Variants in SOX13 observed in about 807,000 individuals in gnomAD.
SOX13 encodes SRY-box transcription factor 13, also known as transcription factor SOX-13.
In SOX13, 28 loss-of-function variants were observed where a neutral mutation model predicts 71.8. That is an observed-to-expected ratio of 0.39 (90% CI 0.29 to 0.53). The LOEUF is 0.53. Ranked by LOEUF, SOX13 falls within the 20% of genes least tolerant of loss-of-function variation. The probability of loss-of-function intolerance (pLI) is 0.70; values close to 1 mark genes in which losing one functional copy is unlikely to be tolerated. For missense variants in SOX13, 627 were observed against 810.3 expected (o/e 0.77, Z 2.75); for synonymous variants, 309 against 317.8 (o/e 0.97, Z 0.29).
chr1:204,123,915 A>G lies in SOX13; in HGVS notation c.1375+111A>G. 2 of 1,272,376 alleles carry G rather than the reference A, an allele frequency of 1.6e-6. No homozygotes were observed. Among genetic ancestry groups the G allele is most frequent in the African/African-American group, 1.5e-5 (1 of 67,846 alleles). The allele number at this position is 1,272,376 out of a possible 1,614,324, so 78.8% of individuals were successfully genotyped here. ...TCCATACTGTGTTGGACTCCAGTGG[A>G]ATCTGACGACAGGGGTGCAGGAGTT... is the stretch of plus-strand genomic sequence containing the variant. On this transcript the variant is annotated intron_variant, in intron 12 of 13. Transcript: ENST00000367204. This position sits in a 1 kb window ranked among gnomAD's most constrained non-coding sequence, Gnocchi z 5.0.
chr1:204,085,248 T>G (rs1295098757), intron 1 of SOX13, among the ~76,000 whole-genome samples: 1 of 152,206 alleles, frequency 6.6e-6, no homozygotes, highest in Non-Finnish European at 1.5e-5. Context: ...CCAGACTGTC[T>G]GTGTGATCTT....
intron 1 of SOX13, among the ~76,000 whole-genome samples, chr1:204,098,954 C>T (rs28414754): frequency 1.3e-5 from 2 of 152,082 alleles, no homozygotes; most frequent in African/African-American, 2.4e-5. Context: ...GCCTGTGAAA[C>T]CAGGGGTTTT....
At chr1:204,096,857 T>A (rs1656263287) in intron 1 of SOX13, among the ~76,000 whole-genome samples, 1 of 117,842 alleles carries the variant, frequency 8.5e-6, no homozygotes, top group Admixed American at 8.0e-5. Context: ...CTCCTCTTTC[T>A]TCTCTTTTTC....
intron 1 of SOX13, among the ~76,000 whole-genome samples, chr1:204,101,611 C>T (rs1427999097): frequency 6.6e-6 from 1 of 151,870 alleles, no homozygotes; most frequent in Non-Finnish European, 1.5e-5. Context: ...TCAGCCACCA[C>T]AATACTAAGT....
chr1:204,088,852 T>C (rs913533113), intron 1 of SOX13, among the ~76,000 whole-genome samples: 1 of 152,082 alleles, frequency 6.6e-6, no homozygotes, highest in Non-Finnish European at 1.5e-5. Context: ...AAGTGAAAGC[T>C]CAATTAGAGT....
chr1:204,113,167 C>G, intron 2 of SOX13, 33 bp downstream of exon 2: 2 of 1,473,114 alleles, frequency 1.4e-6, no homozygotes, highest in Non-Finnish European at 1.8e-6. Flanking sequence ...CATCCTCACA[C>G]CCATGCGCTG....
intron 1 of SOX13, among the ~76,000 whole-genome samples, chr1:204,078,759 C>T (rs11240658): frequency 0.062 from 9,397 of 152,262 alleles, 961 homozygotes; most frequent in African/African-American, 0.21. Flanking sequence ...TCGGTGACTA[C>T]CCCCCTTTTG....
At chr1:204,076,550 C>T (rs1411998013) in intron 1 of SOX13, among the ~76,000 whole-genome samples, 1 of 152,164 alleles carries the variant, frequency 6.6e-6, no homozygotes, top group Non-Finnish European at 1.5e-5. Flanking sequence ...TTGGGTTTGT[C>T]ACAAGTTCCT....
At position 204,082,079 on chromosome 1, in the gene SOX13, T is replaced by G. The variant is rs866906732; in HGVS notation, c.-2+8368T>G. Among the ~76,000 whole-genome samples the G allele has an allele frequency of 9.7e-4, 108 of 111,690 alleles. No individual in the cohort carries two copies. In the Middle Eastern group the frequency reaches 0.014, roughly 14 times the overall value. The allele number at this position is 111,690 out of a possible 152,430, so 73.3% of individuals were successfully genotyped here. Reference sequence around the variant, plus strand: ...TTCTTGGCTGGTGGTGGGGTGTGTGTGGGGGGGAGGGAAGCTGAGTGTGAT... The same window carrying G: ...TTCTTGGCTGGTGGTGGGGTGTGTGGGGGGGGGAGGGAAGCTGAGTGTGAT... On this transcript the variant is annotated intron_variant, in intron 1 of 13. Coordinates refer to ENST00000367204, the MANE Select transcript of SOX13 (RefSeq NM_005686.3).
Position 204,122,928 on chromosome 1 carries a change from G to A in SOX13, c.1099G>A (p.Ala367Thr), listed in dbSNP as rs1656839692. 1 of 1,590,040 alleles carries A rather than the reference G, an allele frequency of 6.3e-7. No individual in the cohort carries two copies. Among genetic ancestry groups the A allele is most frequent in the Non-Finnish European group, 8.6e-7 (1 of 1,167,332 alleles). ...GCAGCTGCTGCACAGCCACAGTGGG[G>A]CCTTGGATGGCTCCCCCAACACCCC... The part of the protein sequence containing the change: ...ARQLLHSHSG[A>T]LDGSPNTPFR... The change falls in exon 10 of 14, where the codon GCC (alanine) becomes ACC (threonine). Residue 367 changes from alanine (A) to threonine (T), a missense_variant. Coordinates refer to ENST00000367204, the MANE Select transcript of SOX13 (RefSeq NM_005686.3).
At chr1:204,114,670 G>GCCTACAGCCTGGCTA in intron 4 of SOX13, 65 bp downstream of exon 4, 1 of 1,266,558 alleles carries the variant, frequency 7.9e-7, no homozygotes, top group Non-Finnish European at 1.2e-6. Context: ...GTCTGGCCAC[G>GCCTACAGCCTGGCTA]CAGCCTGGCT....
intron 4 of SOX13, 70 bp downstream of exon 4, chr1:204,114,675 C>A: frequency 8.1e-7 from 1 of 1,241,494 alleles, no homozygotes; most frequent in Non-Finnish European, 1.2e-6. Context: ...GCCACGCAGC[C>A]TGGCTCTGTA....
chr1:204,108,618 T>C (rs536039101), intron 1 of SOX13, among the ~76,000 whole-genome samples: 1 of 152,322 alleles, frequency 6.6e-6, no homozygotes, highest in Non-Finnish European at 1.5e-5. Context: ...TGGGACAGAA[T>C]GAAGGAGAGA....
chr1:204,095,926 G>C (rs1297421068), intron 1 of SOX13, among the ~76,000 whole-genome samples: 10 of 152,100 alleles, frequency 6.6e-5, no homozygotes, highest in Admixed American at 6.6e-4. Flanking sequence ...TACAATATTT[G>C]ACCTTTTATG....
At chr1:204,110,879 C>T (rs1484828401) in intron 1 of SOX13, among the ~76,000 whole-genome samples, 3 of 151,326 alleles carry the variant, frequency 2.0e-5, no homozygotes, top group Non-Finnish European at 4.4e-5. Context: ...TTACATACTT[C>T]CCCTAAACAT....
rs1388246521 is a variant in SOX13, at chr1:204,113,113, G to T, written c.198G>T (p.Gln66His). 1.7e-5 allele frequency: 26 copies of T among 1,566,644 alleles called. No individual in the cohort carries two copies. The highest frequency in any genetic ancestry group is 2.2e-5 in the Non-Finnish European group (26 of 1,156,420). Residue 66 changes from glutamine (Q) to histidine (H), a missense_variant, in exon 2 of 14, where the codon CAG becomes CAT. Gln to His is a conservative substitution (Grantham distance 24). Coordinates refer to ENST00000367204, the MANE Select transcript of SOX13 (RefSeq NM_005686.3). ...GTGCTGACCCCCAAGCTCCAGCCCA[G>T]GGGAATTTCAGGGGCTCCTGGGTCA... ...QDSADPQAPA[Q>H]GNFRGSWDCS...
rs1655911845 is a variant in SOX13 at position 204,081,768 on chromosome 1, C to G, written c.-2+8057C>G. The stretch of plus-strand genomic sequence containing the variant: ...GGGTATGAGGTCCCCCACCCTCATG[C>G]GAACAACCTCTCCCCACCCTCCAGC... On this transcript the variant is annotated intron_variant, in intron 1 of 13. Transcript: ENST00000367204. The surrounding 1 kb of genome is among the most constrained non-coding windows in gnomAD (Gnocchi z 4.3). Among the ~76,000 whole-genome samples, 1 of 152,088 alleles carries G rather than the reference C, an allele frequency of 6.6e-6. No individual in the cohort carries two copies. The highest frequency in any genetic ancestry group is 1.5e-5 in the Non-Finnish European group (1 of 68,012).
chr1:204,127,644 T>C lies in SOX13; in HGVS notation c.*1510T>C, dbSNP rs543477886. On this transcript the variant is annotated 3_prime_UTR_variant, in exon 14 of 14. Coordinates refer to ENST00000367204, the MANE Select transcript of SOX13 (RefSeq NM_005686.3). ...AGATAGTGCTTTATTTTGTTAATAA[T>C]AAGATAATGATGAGTAACTTAACCA... 1.2e-4 allele frequency: 18 copies of C among 152,776 alleles called. No individual in the cohort carries two copies. Among genetic ancestry groups the C allele is most frequent in the African/African-American group, 4.3e-4 (18 of 41,584 alleles). 9.5% of individuals were successfully genotyped at this position (152,776 alleles called of 1,614,324 possible).
intron 8 of SOX13, 108 bp from the exon 9 acceptor site, chr1:204,122,127 CTG>C: frequency 8.9e-7 from 1 of 1,117,614 alleles, no homozygotes; most frequent in Non-Finnish European, 1.3e-6. Context: ...GTCCACTTTT[CTG>C]TCTGTCTCCT....
Sources: gnomAD v4.1 joint callset for allele counts (sites outside exome capture counted in the v4.1 genomes callset) on GRCh38, gnomAD v4.1.1 for gene constraint, Gnocchi (gnomAD v3.1) non-coding constraint, MANE v1.5 for transcripts, NCBI Gene and HGNC (gene_info 2026-07-23, HGNC 2026-07-21) for gene names.